Variants in OLFM4 observed in about 807,000 individuals in gnomAD.
OLFM4 encodes olfactomedin-4.
Under a neutral mutation model 25.5 loss-of-function variants are expected in OLFM4, and 22 were observed. That is an observed-to-expected ratio of 0.86 (90% CI 0.62 to 1.23). The LOEUF (loss-of-function observed/expected upper bound fraction) is 1.23. Ranked by LOEUF, OLFM4 falls within the 50% of genes most tolerant of loss-of-function variation. The pLI, the probability that OLFM4 is intolerant of heterozygous loss-of-function variation, is 0.00. For synonymous variants in OLFM4, 255 were observed against 237.7 expected, an observed-to-expected ratio of 1.07 and a Z score of -0.67; for missense variants, 594 against 619.4, an observed-to-expected ratio of 0.96 and a Z score of 0.44.
Position 53,050,754 on chromosome 13 carries a change from T to A in OLFM4, c.1516T>A (p.Leu506Met), listed in dbSNP as rs34185719. 15,346 of 1,596,926 alleles carry A rather than the reference T, an allele frequency of 9.6e-3. 131 individuals carry two copies. The highest frequency in any genetic ancestry group is 0.027 in the South Asian group (2,327 of 87,344). ...CCTTCTGAATTATGATCTTTCTGTC[T>A]TGCAGAAGCCCCAGTAAGCTGTTTA... is the stretch of plus-strand genomic sequence containing the variant. ...GYLLNYDLSVLQKPQ is the reference protein window; with the variant it reads ...GYLLNYDLSVMQKPQ The change falls in exon 5 of 5, where the codon TTG (leucine) becomes ATG (methionine). Residue 506 changes from leucine (L) to methionine (M), a missense_variant. Transcript: ENST00000219022.
At chr13:53,040,350 G>C (rs1298866696) in intron 2 of OLFM4, among the ~76,000 whole-genome samples, 1 of 152,150 alleles carries the variant, frequency 6.6e-6, no homozygotes, top group Non-Finnish European at 1.5e-5. Context: ...GAATAAATGT[G>C]GGTGCACTTA....
chr13:53,042,301 G>A (rs1954692189), intron 3 of OLFM4, among the ~76,000 whole-genome samples, 179 bp downstream of exon 3: 1 of 152,206 alleles, frequency 6.6e-6, no homozygotes, highest in Admixed American at 6.5e-5. Context: ...TGAATAGTAA[G>A]TTAAGCACAT....
chr13:53,043,342 A>T, intron 4 of OLFM4, 78 bp downstream of exon 4: 104 of 797,148 alleles, frequency 1.3e-4, no homozygotes, highest in Non-Finnish European at 1.6e-4. Context: ...GGGATTGGGG[A>T]TTGCAATGGT....
chr13:53,036,630 C>T (rs1351614393), intron 2 of OLFM4, among the ~76,000 whole-genome samples: 1 of 152,136 alleles, frequency 6.6e-6, no homozygotes, highest in Non-Finnish European at 1.5e-5. Context: ...CCCAAAAAAA[C>T]TGTGATTGTG....
chr13:53,041,857 G>A (rs1004853823), intron 2 of OLFM4, 53 bp from the exon 3 acceptor site: 13 of 1,279,142 alleles, frequency 1.0e-5, no homozygotes, highest in Admixed American at 1.7e-5. Context: ...AGTGGAAGAA[G>A]ATGGTGTGAT....
At chr13:53,047,206 T>A (rs1954720111) in intron 4 of OLFM4, among the ~76,000 whole-genome samples, 1 of 152,058 alleles carries the variant, frequency 6.6e-6, no homozygotes, top group Admixed American at 6.5e-5. Context: ...GGGTATGAAG[T>A]ATGGAATGAA....
rs1465293044 is a variant in OLFM4, at chr13:53,051,394, A to G, written c.*623A>G. On this transcript the variant is annotated 3_prime_UTR_variant, in exon 5 of 5. Transcript: ENST00000219022. The stretch of plus-strand genomic sequence containing the variant: ...TTTATGCATTAAATTGTACATGGCA[A>G]ATAAATCCCAGAAGGATCTGTAGAT... The G allele has an allele frequency of 6.6e-6, 1 of 152,112 alleles. No homozygotes were observed. The highest frequency in any genetic ancestry group is 1.5e-5 in the Non-Finnish European group (1 of 68,008). The allele number at this position is 152,112 out of a possible 1,614,324, so 9.4% of individuals were successfully genotyped here.
chr13:53,036,305 A>G (rs1417384730), intron 2 of OLFM4, among the ~76,000 whole-genome samples: 1 of 152,260 alleles, frequency 6.6e-6, no homozygotes, highest in African/African-American at 2.4e-5. Flanking sequence ...AAGTACAGAT[A>G]AGAAGTTATG....
rs1230742679 is a variant in OLFM4 at position 53,050,270 on chromosome 13, C to T, written c.1032C>T (p.Asn344=). ...YNNNMYVNMY[N]TGNIARVNLT... The stretch of plus-strand genomic sequence containing the variant: ...ACAACATGTACGTCAACATGTACAA[C>T]ACCGGGAATATTGCCAGAGTTAACC... The change falls in exon 5 of 5, where the codon AAC becomes AAT. Residue 344 remains asparagine (N), a synonymous_variant. Transcript: ENST00000219022. The T allele has an allele frequency of 6.2e-7, 1 of 1,614,040 alleles. No homozygotes were observed. The highest frequency in any genetic ancestry group is 8.5e-7 in the Non-Finnish European group (1 of 1,179,962).
intron 2 of OLFM4, among the ~76,000 whole-genome samples, chr13:53,037,580 A>T (rs941429983): frequency 1.3e-5 from 2 of 152,194 alleles, no homozygotes; most frequent in Non-Finnish European, 2.9e-5. Context: ...TCTAGTCTTT[A>T]TGATAATCTT....
chr13:53,043,354 AAAG>A, intron 4 of OLFM4, 90 bp downstream of exon 4: 1 of 1,021,602 alleles, frequency 9.8e-7, no homozygotes, highest in Non-Finnish European at 1.3e-6. Context: ...TGCAATGGTG[AAAG>A]AAGAAGGTGG....
intron 3 of OLFM4, among the ~76,000 whole-genome samples, chr13:53,042,701 A>G (rs571906217): frequency 1.1e-3 from 175 of 152,326 alleles, no homozygotes; most frequent in African/African-American, 3.8e-3. Flanking sequence ...GACATGGGCT[A>G]TAATTGAGAA....
intron 4 of OLFM4, among the ~76,000 whole-genome samples, chr13:53,043,535 C>T (rs922324177): frequency 2.6e-5 from 4 of 152,092 alleles, no homozygotes; most frequent in African/African-American, 9.7e-5. Flanking sequence ...ATTCTCTTTG[C>T]ATTTTCTAAC....
Position 53,050,592 on chromosome 13 carries a change from G to A in OLFM4, c.1354G>A (p.Glu452Lys). 1 of 1,614,026 alleles carries A rather than the reference G, an allele frequency of 6.2e-7. No homozygotes were observed. Among genetic ancestry groups the A allele is most frequent in the South Asian group, 1.1e-5 (1 of 91,074 alleles). ...ATRTMNTRTEEIFYYYDTNTG... is the reference protein window; with the variant it reads ...ATRTMNTRTEKIFYYYDTNTG... ...CCGTACTATGAACACCAGAACAGAA[G>A]AGATTTTTTACTATTATGACACAAA... The change falls in exon 5 of 5, where the codon GAG (glutamate) becomes AAG (lysine). Residue 452 changes from glutamate (E) to lysine (K), a missense_variant. By Grantham distance (56) the Glu-to-Lys change is moderately conservative (BLOSUM62 1). Transcript: ENST00000219022.
intron 4 of OLFM4, 96 bp downstream of exon 4, chr13:53,043,360 G>T: frequency 3.3e-5 from 23 of 700,534 alleles, no homozygotes; most frequent in Non-Finnish European, 4.3e-5. Context: ...GGTGAAAGAA[G>T]AAGGTGGGTT....
chr13:53,035,632 G>T (rs1954654555), intron 2 of OLFM4, among the ~76,000 whole-genome samples: 1 of 151,928 alleles, frequency 6.6e-6, no homozygotes, highest in South Asian at 2.1e-4. Context: ...TTTCTTGATG[G>T]TTATCTTCTA....
rs1396185961 is a variant in OLFM4 at position 53,050,363 on chromosome 13, T to C, written c.1125T>C (p.Tyr375=). 1.9e-6 allele frequency: 3 copies of C among 1,613,978 alleles called. No individual in the cohort carries two copies. The highest frequency in any genetic ancestry group is 1.3e-5 in the African/African-American group (1 of 74,924). ...PNAAYNNRFS[Y]ANVAWQDIDF... is the part of the protein sequence containing the mutation. ...CTGCCTATAATAACCGCTTTTCATATGCTAATGTTGCTTGGCAAGATATTG... is the reference window on the plus strand; with the variant it reads ...CTGCCTATAATAACCGCTTTTCATACGCTAATGTTGCTTGGCAAGATATTG... The change falls in exon 5 of 5, where the codon TAT becomes TAC. Residue 375 remains tyrosine (Y), a synonymous_variant. Transcript: ENST00000219022.
chr13:53,037,347 T>C (rs1483394100), intron 2 of OLFM4, among the ~76,000 whole-genome samples: 1 of 152,210 alleles, frequency 6.6e-6, no homozygotes, highest in Admixed American at 6.5e-5. Context: ...ATGAGTTATT[T>C]AATATGACAC....
chr13:53,042,060 G>C lies in OLFM4; in HGVS notation c.508G>C (p.Val170Leu). ...AGAAGTGAAGGAGATGGAAAAACTG[G>C]TCATACAGCTGAAGGAGAGTTTTGG... Reference protein sequence around the residue: ...KVEVKEMEKLVIQLKESFGGS... With the variant: ...KVEVKEMEKLLIQLKESFGGS... The change falls in exon 3 of 5, where the codon GTC becomes CTC. Residue 170 changes from valine to leucine, a missense_variant. Transcript: ENST00000219022. 6.2e-7 allele frequency: 1 copy of C among 1,614,026 alleles called. No homozygotes were observed. Among genetic ancestry groups the C allele is most frequent in the Non-Finnish European group, 8.5e-7 (1 of 1,179,958 alleles).
Sources: gnomAD v4.1 joint callset for allele counts (sites outside exome capture counted in the v4.1 genomes callset) on GRCh38, gnomAD v4.1.1 for gene constraint, MANE v1.5 for transcripts, NCBI Gene and HGNC (gene_info 2026-07-23, HGNC 2026-07-21) for gene names.